PIGV: variants seen among roughly 807,000 people sequenced by gnomAD.
PIGV encodes GPI alpha-1,6-mannosyltransferase 2.
A neutral mutation model predicts 39.2 loss-of-function variants in PIGV; 27 were observed. That is an observed-to-expected ratio of 0.69 (90% CI 0.51 to 0.95). The LOEUF (loss-of-function observed/expected upper bound fraction) is 0.95. Ranked by LOEUF, PIGV falls within the 40% of genes least tolerant of loss-of-function variation. The pLI is 0.00. For synonymous variants in PIGV, 232 were observed against 241.7 expected, an observed-to-expected ratio of 0.96 and a Z score of 0.37; for missense variants, 523 against 586.4, an observed-to-expected ratio of 0.89 and a Z score of 1.12.
chr1:26,795,932 C>A (rs1234440544), intron 3 of PIGV, among the ~76,000 whole-genome samples: 1 of 151,130 alleles, frequency 6.6e-6, no homozygotes, highest in East Asian at 2.0e-4. Context: ...GATCTCAGCT[C>A]ACTGCAACCT....
intron 3 of PIGV, among the ~76,000 whole-genome samples, chr1:26,795,846 CTTTATTTA>C (rs533475586): frequency 6.1e-5 from 9 of 148,638 alleles, no homozygotes; most frequent in African/African-American, 1.5e-4. Flanking sequence ...TTTTATTTTA[CTTTATTTA>C]TTTATTTATT....
chr1:26,792,917 A>G (rs1466851172), intron 2 of PIGV, among the ~76,000 whole-genome samples: 1 of 152,242 alleles, frequency 6.6e-6, no homozygotes, highest in Non-Finnish European at 1.5e-5. Flanking sequence ...ATTTGAGGAA[A>G]GAGAAAAACA....
In PIGV at chr1:26,797,934, G is replaced by C. The variant is rs1008802262; in HGVS notation, c.*90G>C. On this transcript the variant is annotated 3_prime_UTR_variant, in exon 4 of 4. Coordinates refer to ENST00000674202, the MANE Select transcript of PIGV (RefSeq NM_017837.4). Reference sequence around the variant, plus strand: ...ATTGGAACTGCCTCTGCTGCCCTGGGATCATTACTGTGTCCATTATAATCT... The same window carrying C: ...ATTGGAACTGCCTCTGCTGCCCTGGCATCATTACTGTGTCCATTATAATCT... 2 of 1,051,148 alleles carry C rather than the reference G, an allele frequency of 1.9e-6. No individual in the cohort carries two copies. The highest frequency in any genetic ancestry group is 3.1e-5 in the African/African-American group (2 of 64,082). 65.1% of individuals were successfully genotyped at this position (1,051,148 alleles called of 1,614,324 possible). A position where few individuals can be genotyped will look rare whatever the true frequency, so the allele number is the denominator to read the frequency against.
Position 26,790,764 on chromosome 1 carries a change from T to G in PIGV, c.-52T>G. On this transcript the variant is annotated 5_prime_UTR_variant, in exon 2 of 4. An upstream open reading frame in the 5' UTR loses its in-frame stop. Transcript: ENST00000674202. ...TTTCCTCCTTTGGGGTTTAGAGGCCTGAGGGAGCTCAATCCTGGTAGCAAC... is the reference window on the plus strand; with the variant it reads ...TTTCCTCCTTTGGGGTTTAGAGGCCGGAGGGAGCTCAATCCTGGTAGCAAC... 2.7e-6 allele frequency: 4 copies of G among 1,458,140 alleles called. No homozygotes were observed. Among genetic ancestry groups the G allele is most frequent in the Non-Finnish European group, 3.9e-6 (4 of 1,037,714 alleles). The allele number at this position is 1,458,140 out of a possible 1,614,324, so 90.3% of individuals were successfully genotyped here. A position where few individuals can be genotyped will look rare whatever the true frequency, so the allele number is the denominator to read the frequency against.
rs1359389792 is a variant in PIGV at position 26,795,031 on chromosome 1, C to T, written c.997C>T (p.Pro333Ser). Residue 333 changes from proline (P) to serine (S), a missense_variant, in exon 3 of 4, where the codon CCA (proline) becomes TCA (serine). Pro to Ser is a moderately conservative substitution (Grantham distance 74). Transcript: ENST00000674202. ...KQVPNFLLAA[P>S]VAILVAWATW... ...GGTGCCCAATTTTCTACTGGCTGCA[C>T]CAGTGGCTATACTGGTTGCCTGGGC... is the stretch of plus-strand genomic sequence containing the variant. The T allele has an allele frequency of 9.3e-6, 15 of 1,614,062 alleles. No individual in the cohort carries two copies. Among genetic ancestry groups the T allele is most frequent in the Non-Finnish European group, 1.3e-5 (15 of 1,180,028 alleles).
upstream of PIGV, chr1:26,787,450 A>T (rs559734093): frequency 1.3e-5 from 2 of 152,396 alleles, no homozygotes; most frequent in South Asian, 4.1e-4. Context: ...GGGGAAAATC[A>T]GGGGGATCCC....
intron 3 of PIGV, among the ~76,000 whole-genome samples, chr1:26,796,689 G>A (rs1012909455): frequency 4.6e-5 from 7 of 152,156 alleles, no homozygotes; most frequent in Non-Finnish European, 8.8e-5. Context: ...GAATAAGCAC[G>A]GAGGATATCT....
rs989696393 is a variant in PIGV, at chr1:26,799,227, G to C, written c.*1383G>C. ...CCTGTTGTGCCGTTCTCAGATGCCT[G>C]CTTACTTGATCAGTAGACATGGGTC... On this transcript the variant is annotated 3_prime_UTR_variant, in exon 4 of 4. Transcript: ENST00000674202. Among the ~76,000 whole-genome samples the C allele has an allele frequency of 6.6e-6, 1 of 152,212 alleles. No homozygotes were observed. Among genetic ancestry groups the C allele is most frequent in the African/African-American group, 2.4e-5 (1 of 41,456 alleles).
At chr1:26,793,480 G>A (rs1432240321) in intron 2 of PIGV, among the ~76,000 whole-genome samples, 1 of 152,110 alleles carries the variant, frequency 6.6e-6, no homozygotes, top group African/African-American at 2.4e-5. Flanking sequence ...TCTTCCCTTG[G>A]TTCTAATGCT....
At chr1:26,795,729 A>T (rs1039712398) in intron 3 of PIGV, among the ~76,000 whole-genome samples, 1 of 150,868 alleles carries the variant, frequency 6.6e-6, no homozygotes, top group African/African-American at 2.4e-5. Context: ...AAAAAAAAAA[A>T]AAAAAATTAC....
rs1166810497 is a variant in PIGV, at chr1:26,787,985, C to T, written c.-341C>T. 1 of 152,412 alleles carries T rather than the reference C, an allele frequency of 6.6e-6. No homozygotes were observed. The highest frequency in any genetic ancestry group is 1.5e-5 in the Non-Finnish European group (1 of 68,190). 9.4% of individuals were successfully genotyped at this position (152,412 alleles called of 1,614,324 possible). On this transcript the variant is annotated 5_prime_UTR_variant, in exon 1 of 4. Transcript: ENST00000674202. ...GCCGCGTGGGCCCCGGATGGAGGAG[C>T]TGAGGTTCGGTCCCCGCCGGGGAGG...
chr1:26,798,629 C>T lies in PIGV; in HGVS notation c.*785C>T, dbSNP rs948969551. Among the ~76,000 whole-genome samples, 1 of 152,238 alleles carries T rather than the reference C, an allele frequency of 6.6e-6. No homozygotes were observed. The highest frequency in any genetic ancestry group is 1.5e-5 in the Non-Finnish European group (1 of 68,050). The stretch of plus-strand genomic sequence containing the variant: ...GGCTGAGGCATGAGAATTGCTTGAA[C>T]TTGGAAGGCGGAGGTTTCAGTGAGC... On this transcript the variant is annotated 3_prime_UTR_variant, in exon 4 of 4. Transcript: ENST00000674202.
At position 26,797,650 on chromosome 1, in the gene PIGV, T is replaced by C. The variant is rs769074339; in HGVS notation, c.1288T>C (p.Ser430Pro). 3 of 1,614,016 alleles carry C rather than the reference T, an allele frequency of 1.9e-6. No homozygotes were observed. Among genetic ancestry groups the C allele is most frequent in the African/African-American group, 2.7e-5 (2 of 74,926 alleles). Residue 430 changes from serine to proline, a missense_variant, in exon 4 of 4, where the codon TCC (serine) becomes CCC (proline). By Grantham distance (74) the Ser-to-Pro change is moderately conservative. Transcript: ENST00000674202. ...TCAGGATCAAGAGCCGCTGTTGAGA[T>C]CCTTAAAGACTGTGCCTTGGAAGCC... is the stretch of plus-strand genomic sequence containing the variant. ...LLQDQEPLLR[S>P]LKTVPWKPLA...
Position 26,799,405 on chromosome 1 carries a change from C to T in PIGV, c.*1561C>T, listed in dbSNP as rs1245876781. On this transcript the variant is annotated 3_prime_UTR_variant, in exon 4 of 4. Transcript: ENST00000674202. ...ACTGGCCCCTGCTGAGCTACTTTTG[C>T]CCATTCCTTGAGCCAGACGAGAGTT... Among the ~76,000 whole-genome samples the T allele has an allele frequency of 6.6e-6, 1 of 152,200 alleles. No individual in the cohort carries two copies. The highest frequency in any genetic ancestry group is 2.4e-5 in the African/African-American group (1 of 41,446).
Position 26,798,096 on chromosome 1 carries a change from T to C in PIGV, c.*252T>C. The stretch of plus-strand genomic sequence containing the variant: ...AGATTGTCGTATTCCAAGTCTAAAA[T>C]ACACCTGGATCTGTCTAGTCAATCA... On this transcript the variant is annotated 3_prime_UTR_variant, in exon 4 of 4. Transcript: ENST00000674202. The C allele has an allele frequency of 1.9e-6, 1 of 515,158 alleles. No individual in the cohort carries two copies. The highest frequency in any genetic ancestry group is 3.6e-5 in the East Asian group (1 of 28,118). The allele number at this position is 515,158 out of a possible 1,614,324, so 31.9% of individuals were successfully genotyped here.
At position 26,799,899 on chromosome 1, in the gene PIGV, C is replaced by G. The variant is rs376891461; in HGVS notation, c.*2055C>G. Among the ~76,000 whole-genome samples the G allele has an allele frequency of 6.6e-6, 1 of 152,190 alleles. No individual in the cohort carries two copies. The highest frequency in any genetic ancestry group is 1.5e-5 in the Non-Finnish European group (1 of 68,036). Reference sequence around the variant, plus strand: ...TGCAAATCCAGAGACTTCCACCTTGCGTGCAGGAAGTGTTGGGGTCCTGTT... The same window carrying G: ...TGCAAATCCAGAGACTTCCACCTTGGGTGCAGGAAGTGTTGGGGTCCTGTT... On this transcript the variant is annotated 3_prime_UTR_variant, in exon 4 of 4. Coordinates refer to ENST00000674202, the MANE Select transcript of PIGV (RefSeq NM_017837.4).
chr1:26,800,183 C>T lies in PIGV; in HGVS notation c.*2339C>T, dbSNP rs1002465033. ...GGACAAGGTTTTCTCTCTGACCTTG[C>T]AGGGATTTAGTTGTTCTCTAAGGAG... is the stretch of plus-strand genomic sequence containing the variant. On this transcript the variant is annotated 3_prime_UTR_variant, in exon 4 of 4. Coordinates refer to ENST00000674202, the MANE Select transcript of PIGV (RefSeq NM_017837.4). 1.1e-4 allele frequency among the ~76,000 whole-genome samples: 17 copies of T among 152,040 alleles called. No individual in the cohort carries two copies. Among genetic ancestry groups the T allele is most frequent in the African/African-American group, 3.9e-4 (16 of 41,388 alleles).
chr1:26,798,851 GT>G lies in PIGV; in HGVS notation c.*1008del, dbSNP rs533159237. Among the ~76,000 whole-genome samples, 14 of 152,216 alleles carry G rather than the reference GT, an allele frequency of 9.2e-5. No individual in the cohort carries two copies. Among genetic ancestry groups the G allele is most frequent in the Non-Finnish European group, 1.9e-4 (13 of 68,036 alleles). On this transcript the variant is annotated 3_prime_UTR_variant, in exon 4 of 4. Coordinates refer to ENST00000674202, the MANE Select transcript of PIGV (RefSeq NM_017837.4). ...GGAACCCTGGATTCTAGTCCTCTCAGTAAAACCCCATTTACCAGCCATGTGA... is the reference window on the plus strand; with the variant it reads ...GGAACCCTGGATTCTAGTCCTCTCAGAAAACCCCATTTACCAGCCATGTGA...
At chr1:26,796,934 C>T (rs926173467) in intron 3 of PIGV, among the ~76,000 whole-genome samples, 1 of 152,126 alleles carries the variant, frequency 6.6e-6, no homozygotes, top group Non-Finnish European at 1.5e-5. Flanking sequence ...TTCCCCATGC[C>T]GACCTCTTAG....
Sources: gnomAD v4.1 joint callset for allele counts (sites outside exome capture counted in the v4.1 genomes callset) on GRCh38, gnomAD v4.1.1 for gene constraint, MANE v1.5 for transcripts, NCBI Gene and HGNC (gene_info 2026-07-23, HGNC 2026-07-21) for gene names.